Variants in FNDC3B observed in about 807,000 individuals in gnomAD.
The protein encoded by FNDC3B is fibronectin type III domain containing 3B.
In FNDC3B, 12 loss-of-function variants were observed where a neutral mutation model predicts 151.5. The ratio of observed to expected loss-of-function variants is 0.08; its 90% CI spans 0.05 to 0.13. The LOEUF (loss-of-function observed/expected upper bound fraction) is 0.13, where lower values mean the gene tolerates loss of function less well. FNDC3B is among the 10% of genes least tolerant of loss of function. The probability of loss-of-function intolerance (pLI) is 1.00; values close to 1 mark genes in which losing one functional copy is unlikely to be tolerated. For missense variants in FNDC3B, 1,214 were observed against 1,505.3 expected (o/e 0.81, Z 3.20); for synonymous variants, 528 against 549.0 (o/e 0.96, Z 0.54).
At chr3:172,158,266 C>T (rs745651512) in intron 3 of FNDC3B, among the ~76,000 whole-genome samples, 1 of 152,224 alleles carries the variant, frequency 6.6e-6, no homozygotes, top group Non-Finnish European at 1.5e-5. Context: ...AAGAAACTGA[C>T]AAAATTTTCC....
At chr3:172,373,309 C>A (rs779283590) in intron 23 of FNDC3B, among the ~76,000 whole-genome samples, 16 of 152,222 alleles carry the variant, frequency 1.1e-4, no homozygotes, top group South Asian at 2.1e-4. Context: ...TAGTAGTGAT[C>A]AGCACCTTCA....
intron 1 of FNDC3B, among the ~76,000 whole-genome samples, chr3:172,082,498 G>A (rs965945310): frequency 4.6e-5 from 7 of 151,488 alleles, no homozygotes; most frequent in Admixed American, 6.6e-5. Flanking sequence ...AGCACATCAT[G>A]GGATTATAGG....
At chr3:172,116,781 G>A (rs146078979) in intron 2 of FNDC3B, among the ~76,000 whole-genome samples, 37 of 152,286 alleles carry the variant, frequency 2.4e-4, no homozygotes, top group Non-Finnish European at 4.7e-4. Context: ...GGCCAGGATG[G>A]TCTTGAACTC....
chr3:172,349,423 C>A (rs1397023628), intron 21 of FNDC3B, among the ~76,000 whole-genome samples: 2 of 152,108 alleles, frequency 1.3e-5, no homozygotes, highest in African/African-American at 4.8e-5. Flanking sequence ...ATTCATAGGG[C>A]ATGTTGTATA....
Position 172,295,403 on chromosome 3 carries a change from C to T in FNDC3B, c.890C>T (p.Ala297Val). 2 of 1,614,078 alleles carry T rather than the reference C, an allele frequency of 1.2e-6. No homozygotes were observed. Among genetic ancestry groups the T allele is most frequent in the Non-Finnish European group, 1.7e-6 (2 of 1,179,916 alleles). Residue 297 changes from alanine (A) to valine (V), a missense_variant, in exon 8 of 26, where the codon GCT (alanine) becomes GTT (valine). Around this residue, in one of 7 missense-constraint regions of FNDC3B, gnomAD observed 156 missense variants for 225.3 expected, o/e 0.69. Transcript: ENST00000415807. ...GCAAGAGCAGTTGTGTTGTCCTGGGCTCCCCCTGTTGGACTTTCCTGTGGA... is the reference window on the plus strand; with the variant it reads ...GCAAGAGCAGTTGTGTTGTCCTGGGTTCCCCCTGTTGGACTTTCCTGTGGA... Reference protein sequence around the residue: ...IQARAVVLSWAPPVGLSCGPH... With the variant: ...IQARAVVLSWVPPVGLSCGPH...
At chr3:172,096,486 G>A (rs1415652846) in intron 1 of FNDC3B, among the ~76,000 whole-genome samples, 1 of 152,126 alleles carries the variant, frequency 6.6e-6, no homozygotes, top group Non-Finnish European at 1.5e-5. Context: ...TGTATCATCT[G>A]TTTTTCTGGT....
At chr3:172,103,555 G>A (rs1284344039) in intron 1 of FNDC3B, among the ~76,000 whole-genome samples, 1 of 152,132 alleles carries the variant, frequency 6.6e-6, no homozygotes, top group Non-Finnish European at 1.5e-5. Context: ...CTTGAAGGCA[G>A]GGCCTATACA....
chr3:172,329,756 C>T (rs796122596), intron 12 of FNDC3B: 16 of 152,298 alleles, frequency 1.1e-4, no homozygotes, highest in African/African-American at 3.6e-4. Context: ...ACCTAAAGAA[C>T]CTCTTTTTAA....
At chr3:172,182,946 C>T (rs1318879559) in intron 3 of FNDC3B, among the ~76,000 whole-genome samples, 1 of 152,214 alleles carries the variant, frequency 6.6e-6, no homozygotes, top group South Asian at 2.1e-4. Context: ...AGAGAAATTA[C>T]GGAAAGCTGA....
rs116548541 is a variant in FNDC3B at position 172,182,455 on chromosome 3, A to C, written c.188-44416A>C. 7.0e-3 allele frequency among the ~76,000 whole-genome samples: 1,061 copies of C among 152,280 alleles called. 15 individuals are homozygous for C. Among genetic ancestry groups the C allele is most frequent in the African/African-American group, 0.024 (1,009 of 41,548 alleles). On this transcript the variant is annotated intron_variant, in intron 3 of 25. Coordinates refer to ENST00000415807, the MANE Select transcript of FNDC3B (RefSeq NM_022763.4). ...GGGTCTTCCTGATGTGTAAGAACTG[A>C]TGATCAGGACCTTACAGGTTATGTG...
chr3:172,300,898 C>T (rs1040037354), intron 9 of FNDC3B, among the ~76,000 whole-genome samples: 6 of 152,156 alleles, frequency 3.9e-5, no homozygotes, highest in East Asian at 1.9e-4. Flanking sequence ...ATAGATCATA[C>T]GTTCTTTTTC....
chr3:172,216,470 C>T (rs1725980656), intron 3 of FNDC3B, among the ~76,000 whole-genome samples: 1 of 151,962 alleles, frequency 6.6e-6, no homozygotes, highest in African/African-American at 2.4e-5. Flanking sequence ...AGTTGAAGGC[C>T]AGCCTGAGCA....
chr3:172,274,053 ACATCCTGAGTGTTC>A (rs1729326076), intron 6 of FNDC3B, among the ~76,000 whole-genome samples: 1 of 152,224 alleles, frequency 6.6e-6, no homozygotes, highest in Admixed American at 6.5e-5. Context: ...TAGCCTCAGA[ACATCCTGAGTGTTC>A]CATTTCTATA....
At chr3:172,044,563 C>A (rs763976328) in intron 1 of FNDC3B, among the ~76,000 whole-genome samples, 74 of 152,194 alleles carry the variant, frequency 4.9e-4, no homozygotes, top group Non-Finnish European at 7.8e-4. Flanking sequence ...CTTTGAAAAT[C>A]GTTAATTCAA....
chr3:172,069,363 T>C (rs558864922), intron 1 of FNDC3B, among the ~76,000 whole-genome samples: 1 of 152,374 alleles, frequency 6.6e-6, no homozygotes, highest in African/African-American at 2.4e-5. Context: ...AGCAAAATGT[T>C]TTGTAAAATG....
chr3:172,344,129 C>T lies in FNDC3B; in HGVS notation c.2121C>T (p.Ser707=), dbSNP rs779882827. 3.7e-6 allele frequency: 6 copies of T among 1,614,080 alleles called. No homozygotes were observed. Among genetic ancestry groups the T allele is most frequent in the South Asian group, 3.3e-5 (3 of 91,070 alleles). Residue 707 remains serine (S), a synonymous_variant, in exon 19 of 26, where the codon AGC becomes AGT. Coordinates refer to ENST00000415807, the MANE Select transcript of FNDC3B (RefSeq NM_022763.4). ...SESGCEVSEY[S]VEMTEPEDVA... ...GTGGCTGTGAGGTCTCAGAGTACAG[C>T]GTGGAGATGACGGAGCCCGAAGACG...
chr3:172,271,727 G>T (rs1050014721), intron 6 of FNDC3B, among the ~76,000 whole-genome samples: 5 of 152,182 alleles, frequency 3.3e-5, no homozygotes, highest in Non-Finnish European at 7.3e-5. Context: ...TCAGAAAGCC[G>T]TGCAGACGTG....
At chr3:172,163,836 T>C (rs887074824) in intron 3 of FNDC3B, among the ~76,000 whole-genome samples, 1 of 152,220 alleles carries the variant, frequency 6.6e-6, no homozygotes, top group African/African-American at 2.4e-5. Flanking sequence ...AATTACTGCT[T>C]TCCTAGATAA....
chr3:172,133,639 C>A (rs767966179), intron 3 of FNDC3B, 93 bp downstream of exon 3: 3 of 905,578 alleles, frequency 3.3e-6, no homozygotes, highest in East Asian at 4.8e-5. Context: ...ATGTAATTTT[C>A]TAGAAGTAAA....
Sources: gnomAD v4.1 joint callset for allele counts (sites outside exome capture counted in the v4.1 genomes callset) on GRCh38, gnomAD v4.1.1 for gene constraint, gnomAD v4.1.1 regional missense constraint, MANE v1.5 for transcripts, NCBI Gene and HGNC (gene_info 2026-07-23, HGNC 2026-07-21) for gene names.